The following MOB4 variants were observed in gnomAD, a reference collection of about 807,000 sequenced individuals.
The protein encoded by MOB4 is MOB-like protein phocein.
In MOB4, 4 loss-of-function variants were observed where a neutral mutation model predicts 32.2. That is an observed-to-expected ratio of 0.12 (90% CI 0.06 to 0.28). The LOEUF (loss-of-function observed/expected upper bound fraction) is 0.28, where lower values mean the gene tolerates loss of function less well. MOB4 is among the 10% of genes least tolerant of loss of function. The pLI is 1.00. For synonymous variants in MOB4, 88 were observed against 88.1 expected, an observed-to-expected ratio of 1.00 and a Z score of 0.01; for missense variants, 158 against 271.2, an observed-to-expected ratio of 0.58 and a Z score of 2.93.
At chr2:197,543,854 T>C (rs545462736) in intron 5 of MOB4, among the ~76,000 whole-genome samples, 59 of 151,446 alleles carry the variant, frequency 3.9e-4, no homozygotes, top group African/African-American at 1.4e-3. Flanking sequence ...TTCTCCTGTC[T>C]CAGCTTCCCA....
intron 1 of MOB4, chr2:197,516,401 C>G (rs2086412347): frequency 2.2e-6 from 3 of 1,395,048 alleles, no homozygotes; most frequent in Non-Finnish European, 2.8e-6. Context: ...ACCTGCCTGC[C>G]GAAGCCCTGG....
At chr2:197,546,039 C>T (rs1040976277) in intron 5 of MOB4, among the ~76,000 whole-genome samples, 2 of 152,036 alleles carry the variant, frequency 1.3e-5, no homozygotes, top group African/African-American at 4.8e-5. Flanking sequence ...TCACCTCTTT[C>T]ACGTTACCTT....
chr2:197,534,700 G>A (rs541309696), intron 2 of MOB4, among the ~76,000 whole-genome samples: 4 of 152,172 alleles, frequency 2.6e-5, no homozygotes, highest in East Asian at 1.9e-4. Context: ...GTGCCACCAC[G>A]CCTGGCTAAT....
chr2:197,524,197 G>T (rs913016458), intron 2 of MOB4, among the ~76,000 whole-genome samples: 2 of 152,146 alleles, frequency 1.3e-5, no homozygotes, highest in Non-Finnish European at 2.9e-5. Context: ...TTGTGCCACT[G>T]TACTTCAACC....
chr2:197,543,809 G>A (rs1341209416), intron 5 of MOB4, among the ~76,000 whole-genome samples: 1 of 151,418 alleles, frequency 6.6e-6, no homozygotes, highest in East Asian at 2.0e-4. Context: ...CGCAATCTCG[G>A]CTCACTGCAA....
chr2:197,539,825 G>A (rs2086867096), intron 3 of MOB4, among the ~76,000 whole-genome samples: 1 of 152,228 alleles, frequency 6.6e-6, no homozygotes, highest in African/African-American at 2.4e-5. Flanking sequence ...AAAAGTCTTG[G>A]TAAATATTTC....
chr2:197,515,863 C>T, upstream of MOB4: 1 of 548,078 alleles, frequency 1.8e-6, no homozygotes, highest in Non-Finnish European at 3.2e-6. Flanking sequence ...CTTCCGGTGC[C>T]TCAGTCCCTG....
chr2:197,552,142 C>T lies in MOB4; in HGVS notation c.*1496C>T, dbSNP rs974451752. 1.3e-5 allele frequency: 2 copies of T among 152,256 alleles called. No homozygotes were observed. Among genetic ancestry groups the T allele is most frequent in the African/African-American group, 2.4e-5 (1 of 41,428 alleles). 9.4% of individuals were successfully genotyped at this position (152,256 alleles called of 1,614,324 possible). A position where few individuals can be genotyped will look rare whatever the true frequency, so the allele number is the denominator to read the frequency against. On this transcript the variant is annotated 3_prime_UTR_variant, in exon 8 of 8. Coordinates refer to ENST00000323303, the MANE Select transcript of MOB4 (RefSeq NM_015387.5). ...AGAGTGTGTGTATGTATAGTGTATGCCTTTCCAAGCTTGCCAGTCTTTTTG... is the reference window on the plus strand; with the variant it reads ...AGAGTGTGTGTATGTATAGTGTATGTCTTTCCAAGCTTGCCAGTCTTTTTG...
intron 2 of MOB4, among the ~76,000 whole-genome samples, chr2:197,531,820 G>A (rs944817009): frequency 6.6e-6 from 1 of 152,012 alleles, no homozygotes; most frequent in African/African-American, 2.4e-5. Context: ...TAGGATTATA[G>A]GCAGGAGCCA....
In MOB4 at chr2:197,548,397, A is replaced by G; in HGVS notation, c.416A>G (p.Asn139Ser). ...GGTGCTGCATGTCTTCTGAATAGCA[A>G]TAAATATTTTCCCAGCAGGTAATCG... ...LDGAACLLNS[N>S]KYFPSRVSIK... is the part of the protein sequence containing the mutation. The change falls in exon 6 of 8, where the codon AAT (asparagine) becomes AGT (serine). Residue 139 changes from asparagine (N) to serine (S), a missense_variant. Coordinates refer to ENST00000323303, the MANE Select transcript of MOB4 (RefSeq NM_015387.5). 1 of 1,603,316 alleles carries G rather than the reference A, an allele frequency of 6.2e-7. No homozygotes were observed. Among genetic ancestry groups the G allele is most frequent in the Non-Finnish European group, 8.5e-7 (1 of 1,174,286 alleles).
At chr2:197,517,018 T>TA (rs1359394655) in intron 1 of MOB4, among the ~76,000 whole-genome samples, 2 of 152,326 alleles carry the variant, frequency 1.3e-5, no homozygotes, top group African/African-American at 4.8e-5. Flanking sequence ...TATAAAATGT[T>TA]AAAAAGTGAT....
At chr2:197,523,507 AT>A in intron 1 of MOB4, 116 bp from the exon 2 acceptor site, 1 of 973,034 alleles carries the variant, frequency 1.0e-6, no homozygotes, top group Non-Finnish European at 1.5e-6. Context: ...TTCACTGATA[AT>A]TACATTGCAA....
At chr2:197,543,381 G>A (rs934088037) in intron 5 of MOB4, among the ~76,000 whole-genome samples, 1 of 151,948 alleles carries the variant, frequency 6.6e-6, no homozygotes, top group Admixed American at 6.6e-5. Flanking sequence ...CAGACAGTTG[G>A]TGCGAGGGTT....
At chr2:197,525,213 G>C (rs1017936040) in intron 2 of MOB4, among the ~76,000 whole-genome samples, 1 of 151,998 alleles carries the variant, frequency 6.6e-6, no homozygotes, top group Non-Finnish European at 1.5e-5. Context: ...CGGGCGTGGT[G>C]GTGGGTGCCT....
chr2:197,516,235 C>T, intron 1 of MOB4, 89 bp downstream of exon 1: 2 of 1,521,226 alleles, frequency 1.3e-6, no homozygotes, highest in South Asian at 1.2e-5. Context: ...GAGGTTGGGC[C>T]GAGGCGGCAG....
At chr2:197,520,523 A>G (rs576209596) in intron 1 of MOB4, among the ~76,000 whole-genome samples, 1 of 152,200 alleles carries the variant, frequency 6.6e-6, no homozygotes, top group African/African-American at 2.4e-5. Flanking sequence ...GATTGTTTTT[A>G]CAGGTTTATA....
At chr2:197,539,307 TTGTA>T (rs2086855973) in intron 3 of MOB4, among the ~76,000 whole-genome samples, 1 of 145,944 alleles carries the variant, frequency 6.9e-6, no homozygotes, top group African/African-American at 2.6e-5. Flanking sequence ...CTCAGTGCAA[TTGTA>T]ATGTAATTTT....
chr2:197,524,581 G>A (rs1009930841), intron 2 of MOB4, among the ~76,000 whole-genome samples: 4 of 151,760 alleles, frequency 2.6e-5, no homozygotes, highest in Non-Finnish European at 4.4e-5. Context: ...TTTCATTAAG[G>A]GGCTAATAAA....
intron 5 of MOB4, among the ~76,000 whole-genome samples, chr2:197,544,050 C>T (rs2086946609): frequency 6.9e-6 from 1 of 144,768 alleles, no homozygotes; most frequent in Non-Finnish European, 1.5e-5. Context: ...GAGTTTCTTT[C>T]TTTTTTTTTT....
Sources: allele counts gnomAD v4.1 joint callset (sites outside exome capture counted in the v4.1 genomes callset), GRCh38; gene constraint gnomAD v4.1.1; transcripts MANE v1.5; gene names NCBI Gene and HGNC (gene_info 2026-07-23, HGNC 2026-07-21).